The following BACH2 variants were observed in gnomAD, a reference collection of about 807,000 sequenced individuals.
The protein encoded by BACH2 is transcription regulator protein BACH2.
Under a neutral mutation model 61.8 loss-of-function variants are expected in BACH2, and 5 were observed. The ratio of observed to expected loss-of-function variants is 0.08; its 90% CI spans 0.04 to 0.17. BACH2 has a LOEUF of 0.17. BACH2 is among the 10% of genes least tolerant of loss of function. The probability of loss-of-function intolerance (pLI) is 1.00; values close to 1 mark genes in which losing one functional copy is unlikely to be tolerated. For missense variants in BACH2, 824 were observed against 1,091.1 expected (o/e 0.76, Z 3.45); for synonymous variants, 446 against 440.1 (o/e 1.01, Z -0.17).
chr6:90,249,224 A>G (rs376067330), intron 3 of BACH2, among the ~76,000 whole-genome samples: 1 of 152,124 alleles, frequency 6.6e-6, no homozygotes, highest in South Asian at 2.1e-4. Flanking sequence ...GGTTTGCTAA[A>G]CATCAGCTGA....
At chr6:90,237,850 G>A (rs373006956) in intron 3 of BACH2, among the ~76,000 whole-genome samples, 3 of 152,226 alleles carry the variant, frequency 2.0e-5, no homozygotes, top group East Asian at 1.9e-4. Context: ...GACACTCAAC[G>A]CCCTGGTAGA....
chr6:90,159,394 T>C (rs1340335564), intron 4 of BACH2, among the ~76,000 whole-genome samples: 1 of 152,140 alleles, frequency 6.6e-6, no homozygotes, highest in Admixed American at 6.5e-5. Flanking sequence ...TATGGAAGTA[T>C]AAGAAAAGAA....
intron 4 of BACH2, among the ~76,000 whole-genome samples, chr6:90,137,362 T>A (rs1240364060): frequency 6.6e-6 from 1 of 152,100 alleles, no homozygotes; most frequent in Non-Finnish European, 1.5e-5. Context: ...AAAAAACATG[T>A]GCATTTGAGT....
intron 4 of BACH2, among the ~76,000 whole-genome samples, chr6:90,183,532 T>C (rs949978363): frequency 6.6e-6 from 1 of 152,222 alleles, no homozygotes; most frequent in Admixed American, 6.5e-5. Context: ...TAACCGTGAA[T>C]AGTATCCCAA....
rs58948876 is a variant in BACH2, at chr6:89,928,865, GT to G, written c.*3542del. ...GCAGGATGGCCTCGTAACTTTGTCG[GT>G]TTTTTTTTTTTTAAAGTTTTTCTAA... On this transcript the variant is annotated 3_prime_UTR_variant, in exon 9 of 9. Coordinates refer to ENST00000257749, the MANE Select transcript of BACH2 (RefSeq NM_021813.4). 0.46 allele frequency: 67,285 copies of G among 146,680 alleles called. 15,454 individuals are homozygous for G. The highest frequency in any genetic ancestry group is 0.68 in the East Asian group (3,508 of 5,142). The allele number at this position is 146,680 out of a possible 1,614,324, so 9.1% of individuals were successfully genotyped here.
At chr6:90,084,743 C>T (rs537163360) in intron 5 of BACH2, among the ~76,000 whole-genome samples, 27 of 152,140 alleles carry the variant, frequency 1.8e-4, no homozygotes, top group Non-Finnish European at 2.9e-4. Context: ...TTCAGTTACA[C>T]CTTTTCCTTA....
At chr6:90,055,294 G>C (rs1562405322) in intron 5 of BACH2, among the ~76,000 whole-genome samples, 6 of 152,190 alleles carry the variant, frequency 3.9e-5, no homozygotes. Flanking sequence ...CGATGGAGCT[G>C]AAAACCAAGG....
At chr6:90,077,070 C>T (rs1250419451) in intron 5 of BACH2, among the ~76,000 whole-genome samples, 2 of 152,080 alleles carry the variant, frequency 1.3e-5, no homozygotes, top group South Asian at 2.1e-4. Flanking sequence ...ATAATGAGCC[C>T]CGCCTGGCCA....
chr6:90,181,755 T>C (rs1355532197), intron 4 of BACH2, among the ~76,000 whole-genome samples: 3 of 152,014 alleles, frequency 2.0e-5, no homozygotes, highest in African/African-American at 7.2e-5. Flanking sequence ...TACTGATTGA[T>C]GGATTCATTG....
At chr6:90,043,519 CCT>C (rs960123222) in intron 5 of BACH2, among the ~76,000 whole-genome samples, 10 of 151,050 alleles carry the variant, frequency 6.6e-5, no homozygotes, top group East Asian at 3.9e-4. Flanking sequence ...TCCCTCCCTT[CCT>C]CTCTCTCCTC....
chr6:90,296,305 T>C (rs1295726204), intron 1 of BACH2, among the ~76,000 whole-genome samples, 175 bp downstream of exon 1: 3 of 151,058 alleles, frequency 2.0e-5, no homozygotes, highest in African/African-American at 7.3e-5. Flanking sequence ...TCCTAGAAAA[T>C]GCCATAAAAG....
At chr6:90,176,812 C>T (rs779710415) in intron 4 of BACH2, among the ~76,000 whole-genome samples, 5 of 152,148 alleles carry the variant, frequency 3.3e-5, no homozygotes, top group South Asian at 2.1e-4. Flanking sequence ...CACGTAGCCA[C>T]AGAGTAATCT....
intron 5 of BACH2, among the ~76,000 whole-genome samples, chr6:90,024,763 C>A (rs1362523323): frequency 3.3e-5 from 5 of 152,116 alleles, no homozygotes; most frequent in African/African-American, 1.2e-4. Flanking sequence ...GAAGACCCAT[C>A]CAATAACAGT....
rs1584518615 is a variant in BACH2, at chr6:89,950,416, G to A, written c.1690C>T (p.Pro564Ser). ...ARFLATEHQE[P>S]GLMGDGMYNQ... ...TACATTCCATCTCCCATCAGGCCTG[G>A]TTCCTGATGTTCTGTGGCAAGGAAT... is the stretch of plus-strand genomic sequence containing the variant. The change falls in exon 7 of 9, where the codon CCA (proline) becomes TCA (serine). Residue 564 changes from proline to serine, a missense_variant. Around this residue, in one of 8 missense-constraint regions of BACH2, gnomAD observed 160 missense variants for 283.5 expected, o/e 0.56. Transcript: ENST00000257749. This position sits in a 1 kb window ranked among gnomAD's most constrained non-coding sequence, Gnocchi z 5.3. The A allele has an allele frequency of 6.2e-7, 1 of 1,614,044 alleles. No individual in the cohort carries two copies. Among genetic ancestry groups the A allele is most frequent in the Non-Finnish European group, 8.5e-7 (1 of 1,180,034 alleles).
Position 89,927,420 on chromosome 6 carries a change from G to C in BACH2, c.*4988C>G, listed in dbSNP as rs899535570. On this transcript the variant is annotated 3_prime_UTR_variant, in exon 9 of 9. Coordinates refer to ENST00000257749, the MANE Select transcript of BACH2 (RefSeq NM_021813.4). ...TTTGTCCAAGTCCCTTCACTCTTTCGCAACATATGCGTCTGATTATTCCCA... is the reference window on the plus strand; with the variant it reads ...TTTGTCCAAGTCCCTTCACTCTTTCCCAACATATGCGTCTGATTATTCCCA... The C allele has an allele frequency of 6.5e-6, 1 of 152,738 alleles. No homozygotes were observed. The highest frequency in any genetic ancestry group is 1.5e-5 in the Non-Finnish European group (1 of 68,042). The allele number at this position is 152,738 out of a possible 1,614,324, so 9.5% of individuals were successfully genotyped here.
chr6:89,996,686 G>C (rs1776865051), intron 6 of BACH2, among the ~76,000 whole-genome samples: 1 of 152,098 alleles, frequency 6.6e-6, no homozygotes, highest in Non-Finnish European at 1.5e-5. Flanking sequence ...GATTTTAGGT[G>C]AGATAAACTT....
chr6:89,980,479 C>T (rs924552754), intron 6 of BACH2, among the ~76,000 whole-genome samples: 2 of 152,122 alleles, frequency 1.3e-5, no homozygotes, highest in Non-Finnish European at 2.9e-5. Flanking sequence ...ATGATTATTG[C>T]CATTATGATG....
chr6:90,058,913 T>C (rs1269223763), intron 5 of BACH2, among the ~76,000 whole-genome samples: 4 of 152,128 alleles, frequency 2.6e-5, no homozygotes, highest in Admixed American at 6.5e-5. Flanking sequence ...GGAAAACTGG[T>C]TAGCCATATG....
chr6:89,941,871 T>A (rs1773453184), intron 7 of BACH2, among the ~76,000 whole-genome samples: 1 of 152,164 alleles, frequency 6.6e-6, no homozygotes, highest in Non-Finnish European at 1.5e-5. Flanking sequence ...CTACTGTATT[T>A]AAATCATCCA....
Sources: gnomAD v4.1 joint callset for allele counts (sites outside exome capture counted in the v4.1 genomes callset) on GRCh38, gnomAD v4.1.1 for gene constraint, gnomAD v4.1.1 regional missense constraint, Gnocchi (gnomAD v3.1) non-coding constraint, MANE v1.5 for transcripts, NCBI Gene and HGNC (gene_info 2026-07-23, HGNC 2026-07-21) for gene names.